SPOCK3: variants seen among roughly 807,000 people sequenced by gnomAD.
The protein encoded by SPOCK3 is SPARC (osteonectin), cwcv and kazal like domains proteoglycan 3.
SPOCK3 carries 30 observed loss-of-function variants against 56.6 expected under a neutral mutation model. The observed-to-expected ratio is 0.53, with a 90% CI of 0.40 to 0.72. The LOEUF (loss-of-function observed/expected upper bound fraction) is 0.72. Ranked by LOEUF, SPOCK3 falls within the 30% of genes least tolerant of loss-of-function variation. The probability of loss-of-function intolerance (pLI) is 0.00; values close to 1 mark genes in which losing one functional copy is unlikely to be tolerated. For synonymous variants in SPOCK3, 196 were observed against 183.3 expected, an observed-to-expected ratio of 1.07 and a Z score of -0.56; for missense variants, 527 against 530.0, an observed-to-expected ratio of 0.99 and a Z score of 0.06.
At chr4:166,897,167 T>C (rs1335736255) in intron 5 of SPOCK3, among the ~76,000 whole-genome samples, 2 of 152,176 alleles carry the variant, frequency 1.3e-5, no homozygotes, top group African/African-American at 2.4e-5. Context: ...AATCATTATG[T>C]AGTAATTCTC....
intron 8 of SPOCK3, among the ~76,000 whole-genome samples, chr4:166,745,842 C>A (rs1357898937): frequency 6.6e-6 from 1 of 152,118 alleles, no homozygotes; most frequent in Admixed American, 6.5e-5. Flanking sequence ...CAATCCTAGT[C>A]TCTGATAAAA....
At chr4:167,234,223 A>C in intron 1 of SPOCK3, 50 bp from the exon 2 acceptor site, 1 of 1,584,432 alleles carries the variant, frequency 6.3e-7, no homozygotes, top group African/African-American at 1.3e-5. Context: ...AGTGTCAAAT[A>C]AGGGGTACGA....
chr4:167,139,716 C>T (rs1225574479), intron 2 of SPOCK3, among the ~76,000 whole-genome samples: 1 of 151,738 alleles, frequency 6.6e-6, no homozygotes, highest in East Asian at 1.9e-4. Context: ...CAGTTATTTC[C>T]CTGAATTTCA....
At chr4:166,751,285 G>A (rs1244133091) in intron 8 of SPOCK3, among the ~76,000 whole-genome samples, 2 of 151,948 alleles carry the variant, frequency 1.3e-5, no homozygotes, top group African/African-American at 4.8e-5. Context: ...ATCTCTTCCT[G>A]TTTATTAAAT....
chr4:167,017,637 AGAT>A lies in SPOCK3; in HGVS notation c.236-17177_236-17175del, dbSNP rs1302984012. Among the ~76,000 whole-genome samples the A allele has an allele frequency of 5.9e-5, 9 of 152,256 alleles. No homozygotes were observed. The East Asian group carries it at 1.7e-3, about 30-fold the overall frequency. ...AGTTAAGAGACTTAACATCCAATGC[AGAT>A]ACCTGAGTTAAGAACATTTCTCTCA... On this transcript the variant is annotated intron_variant, in intron 3 of 10. Coordinates refer to ENST00000357545, the MANE Select transcript of SPOCK3 (RefSeq NM_001040159.2).
intron 2 of SPOCK3, among the ~76,000 whole-genome samples, chr4:167,108,673 G>T (rs899802005): frequency 2.0e-5 from 3 of 151,444 alleles, no homozygotes; most frequent in Non-Finnish European, 4.4e-5. Flanking sequence ...ATAGTGGGGT[G>T]GGGGAAGCAG....
At chr4:167,134,331 C>T (rs1358567867) in intron 2 of SPOCK3, among the ~76,000 whole-genome samples, 2 of 151,912 alleles carry the variant, frequency 1.3e-5, no homozygotes, top group East Asian at 1.9e-4. Flanking sequence ...TCGCACGTGG[C>T]GCTTGATGAC....
chr4:167,082,901 AAG>A (rs201543940), intron 2 of SPOCK3, among the ~76,000 whole-genome samples: 5 of 149,706 alleles, frequency 3.3e-5, no homozygotes, highest in African/African-American at 9.8e-5. Context: ...GAGAGAGAGA[AAG>A]AGAGAGAGAG....
intron 2 of SPOCK3, among the ~76,000 whole-genome samples, chr4:167,203,143 T>C (rs536528550): frequency 8.5e-5 from 13 of 152,114 alleles, no homozygotes; most frequent in African/African-American, 3.1e-4. Context: ...GTGTTTACTG[T>C]TATAATGTGA....
At chr4:166,789,604 AAAAT>A (rs1434346460) in intron 7 of SPOCK3, among the ~76,000 whole-genome samples, 1 of 152,194 alleles carries the variant, frequency 6.6e-6, no homozygotes, top group Non-Finnish European at 1.5e-5. Flanking sequence ...CAAATGTGAT[AAAAT>A]GGAATGTAGG....
At chr4:166,855,979 A>G (rs557088429) in intron 6 of SPOCK3, among the ~76,000 whole-genome samples, 1 of 152,344 alleles carries the variant, frequency 6.6e-6, no homozygotes, top group South Asian at 2.1e-4. Flanking sequence ...GGTTAAATGG[A>G]TTAATGTAGG....
intron 7 of SPOCK3, among the ~76,000 whole-genome samples, chr4:166,791,199 G>A (rs1398711949): frequency 6.6e-6 from 1 of 152,144 alleles, no homozygotes; most frequent in African/African-American, 2.4e-5. Context: ...ATTTCACTAT[G>A]TAAATTAGAT....
chr4:166,939,039 T>C (rs1457773877), intron 4 of SPOCK3, among the ~76,000 whole-genome samples: 3 of 152,146 alleles, frequency 2.0e-5, no homozygotes, highest in Non-Finnish European at 2.9e-5. Context: ...GTACGTATTA[T>C]AATCCATGTT....
intron 8 of SPOCK3, among the ~76,000 whole-genome samples, chr4:166,744,945 G>T (rs954002011): frequency 2.0e-5 from 3 of 152,156 alleles, no homozygotes; most frequent in East Asian, 1.9e-4. Flanking sequence ...GAAAAAAAAA[G>T]TAAAAATAAA....
At chr4:166,953,706 C>T (rs1040783599) in intron 4 of SPOCK3, among the ~76,000 whole-genome samples, 2 of 152,126 alleles carry the variant, frequency 1.3e-5, no homozygotes, top group Admixed American at 6.5e-5. Flanking sequence ...CAATGATAGA[C>T]TGGATTAAGG....
chr4:167,000,430 A>T lies in SPOCK3; in HGVS notation c.269T>A (p.Met90Lys), dbSNP rs1253019725. 1.2e-6 allele frequency: 2 copies of T among 1,604,928 alleles called. No homozygotes were observed. The highest frequency in any genetic ancestry group is 1.7e-6 in the Non-Finnish European group (2 of 1,174,252). The change falls in exon 4 of 11, where the codon ATG becomes AAG. Residue 90 changes from methionine (M) to lysine (K), a missense_variant. Coordinates refer to ENST00000357545, the MANE Select transcript of SPOCK3 (RefSeq NM_001040159.2). ...LDPAKDPCLK[M>K]KCSRHKVCIA... is the part of the protein sequence containing the mutation. The stretch of plus-strand genomic sequence containing the variant: ...GCATACTTTATGGCGACTACATTTC[A>T]TCTTTAAGCATGGATCCTTAGCTGG...
chr4:166,840,801 T>G (rs1287487527), intron 6 of SPOCK3, among the ~76,000 whole-genome samples: 2 of 138,794 alleles, frequency 1.4e-5, no homozygotes, highest in Admixed American at 7.5e-5. Context: ...TTTTTTTAGA[T>G]GCAGTCTCGC....
intron 3 of SPOCK3, among the ~76,000 whole-genome samples, chr4:167,055,222 TA>T (rs1355412267): frequency 2.0e-5 from 3 of 152,184 alleles, no homozygotes; most frequent in Admixed American, 6.5e-5. Flanking sequence ...CAGTGAAAAA[TA>T]TGGTAAATTA....
chr4:167,019,729 C>T (rs1312875386), intron 3 of SPOCK3, among the ~76,000 whole-genome samples: 1 of 152,034 alleles, frequency 6.6e-6, no homozygotes, highest in Non-Finnish European at 1.5e-5. Context: ...TGAGCATTCT[C>T]CAAATATCAC....
Sources: gnomAD v4.1 joint callset for allele counts (sites outside exome capture counted in the v4.1 genomes callset) on GRCh38, gnomAD v4.1.1 for gene constraint, MANE v1.5 for transcripts, NCBI Gene and HGNC (gene_info 2026-07-23, HGNC 2026-07-21) for gene names.